GCC2: variants seen among roughly 807,000 people sequenced by gnomAD.
GCC2 encodes GRIP and coiled-coil domain-containing protein 2.
In GCC2, 120 loss-of-function variants were observed where a neutral mutation model predicts 210.6. The observed-to-expected ratio is 0.57, with a 90% confidence interval of 0.49 to 0.66. The LOEUF (loss-of-function observed/expected upper bound fraction) is 0.66. GCC2 is among the 30% of genes least tolerant of loss of function. The pLI, the probability that GCC2 is intolerant of heterozygous loss-of-function variation, is 0.00. For synonymous variants in GCC2, 703 were observed against 652.7 expected, an observed-to-expected ratio of 1.08 and a Z score of -1.17; for missense variants, 1,868 against 1,871.9, an observed-to-expected ratio of 1.00 and a Z score of 0.04.
At chr2:108,459,099 T>G (rs1048359381) in intron 4 of GCC2, among the ~76,000 whole-genome samples, 2 of 152,184 alleles carry the variant, frequency 1.3e-5, no homozygotes, top group Non-Finnish European at 2.9e-5. Flanking sequence ...TCACACAGGT[T>G]TTGTGATACA....
At chr2:108,461,606 A>G (rs1680576237) in intron 4 of GCC2, among the ~76,000 whole-genome samples, 1 of 150,812 alleles carries the variant, frequency 6.6e-6, no homozygotes, top group Admixed American at 6.6e-5. Context: ...CCCGGGTTCA[A>G]GTGATCCTGC....
intron 7 of GCC2, 163 bp from the exon 8 acceptor site, chr2:108,475,368 TAATG>T (rs1681453941): frequency 2.2e-6 from 1 of 451,974 alleles, no homozygotes; most frequent in South Asian, 4.5e-5. Flanking sequence ...TTGTCTCACA[TAATG>T]AATAAAATTC....
intron 6 of GCC2, among the ~76,000 whole-genome samples, chr2:108,472,547 C>T (rs1681292795): frequency 6.6e-6 from 1 of 150,526 alleles, no homozygotes; most frequent in Non-Finnish European, 1.5e-5. Flanking sequence ...ATCATTTAAT[C>T]TTCTCCTTAT....
intron 17 of GCC2, 22 bp downstream of exon 17, chr2:108,487,842 C>T (rs761404347): frequency 1.1e-5 from 18 of 1,603,728 alleles, no homozygotes; most frequent in Admixed American, 1.7e-5. Context: ...ATTAAATATG[C>T]AGAGTTTTCC....
intron 4 of GCC2, among the ~76,000 whole-genome samples, chr2:108,457,959 T>C (rs1285681158): frequency 1.3e-5 from 2 of 152,212 alleles, no homozygotes; most frequent in African/African-American, 4.8e-5. Context: ...GTCAGTCCCA[T>C]GTTGAATAGT....
intron 7 of GCC2, among the ~76,000 whole-genome samples, chr2:108,473,497 C>T (rs1241141048): frequency 6.6e-6 from 1 of 152,118 alleles, no homozygotes; most frequent in Admixed American, 6.6e-5. Flanking sequence ...ATCATAAACA[C>T]ACTAGTATGA....
intron 11 of GCC2, among the ~76,000 whole-genome samples, 184 bp downstream of exon 11, chr2:108,482,635 T>A (rs376486907): frequency 3.5e-4 from 53 of 152,214 alleles, no homozygotes; most frequent in South Asian, 1.9e-3. Context: ...TTTTAAACAT[T>A]GAAATATTAC....
intron 15 of GCC2, 120 bp from the exon 16 acceptor site, chr2:108,486,391 C>T: frequency 1.2e-6 from 1 of 863,870 alleles, no homozygotes; most frequent in South Asian, 1.4e-5. Flanking sequence ...AAATATTTCA[C>T]TACTTAATTA....
chr2:108,461,526 G>T (rs1680570734), intron 4 of GCC2, among the ~76,000 whole-genome samples: 1 of 151,966 alleles, frequency 6.6e-6, no homozygotes, highest in Non-Finnish European at 1.5e-5. Context: ...TGTTTTCGAG[G>T]CATAGTTTCA....
intron 4 of GCC2, among the ~76,000 whole-genome samples, chr2:108,458,374 C>CTTTTTTTTT (rs70956257): frequency 6.0e-5 from 6 of 100,304 alleles, no homozygotes; most frequent in African/African-American, 2.0e-4. Context: ...TTGTTGCTTT[C>CTTTTTTTTT]TTTTTTTTTT....
intron 22 of GCC2, among the ~76,000 whole-genome samples, chr2:108,502,539 C>T (rs1471045269): frequency 6.6e-6 from 1 of 152,180 alleles, no homozygotes; most frequent in Non-Finnish European, 1.5e-5. Flanking sequence ...TACTACTTGT[C>T]TCTTATCAAT....
Position 108,489,942 on chromosome 2 carries a change from A to G in GCC2, c.4157A>G (p.His1386Arg), listed in dbSNP as rs901467304. The G allele has an allele frequency of 6.2e-7, 1 of 1,612,350 alleles. No homozygotes were observed. ...GAACTTCAAACATTGCAGTCTGAAC[A>G]TGATACACTGCTAGAAAGGCACAAC... Reference protein sequence around the residue: ...VSELQTLQSEHDTLLERHNKM... With the variant: ...VSELQTLQSERDTLLERHNKM... Residue 1386 changes from histidine to arginine, a missense_variant, in exon 18 of 23, where the codon CAT becomes CGT. Coordinates refer to ENST00000309863, the MANE Select transcript of GCC2 (RefSeq NM_181453.4).
chr2:108,486,051 C>G lies in GCC2; in HGVS notation c.3792+143C>G. The G allele has an allele frequency of 3.4e-5, 19 of 565,398 alleles. No homozygotes were observed. The South Asian group carries it at 3.9e-4, about 12-fold the overall frequency. 35.0% of individuals were successfully genotyped at this position (565,398 alleles called of 1,614,324 possible). A position where few individuals can be genotyped will look rare whatever the true frequency, so the allele number is the denominator to read the frequency against. On this transcript the variant is annotated intron_variant, in intron 15 of 22. Coordinates refer to ENST00000309863, the MANE Select transcript of GCC2 (RefSeq NM_181453.4). ...AGGAAGTTACAACAATAAATCAAGT[C>G]TGGCATATAACTGGAGTATATTATT...
intron 4 of GCC2, among the ~76,000 whole-genome samples, chr2:108,456,490 G>A (rs1456791176): frequency 1.3e-5 from 2 of 152,078 alleles, no homozygotes; most frequent in East Asian, 1.9e-4. Context: ...CCATTTCTTT[G>A]TCTTTTAAGA....
chr2:108,476,002 T>C (rs947363371), intron 9 of GCC2, 152 bp downstream of exon 9: 1 of 481,744 alleles, frequency 2.1e-6, no homozygotes, highest in Middle Eastern at 5.9e-4. Context: ...TGCAATGTAA[T>C]AGAATCCTAA....
At position 108,472,814 on chromosome 2, in the gene GCC2, CT is replaced by C; in HGVS notation, c.2788-12del. 1 of 1,485,602 alleles carries C rather than the reference CT, an allele frequency of 6.7e-7. No individual in the cohort carries two copies. The highest frequency in any genetic ancestry group is 9.3e-7 in the Non-Finnish European group (1 of 1,077,796). 92.0% of individuals were successfully genotyped at this position (1,485,602 alleles called of 1,614,324 possible). ...GTTTTGTTTTGTGTTTTTTTTTCCC[CT>C]GTAAAATCTAGGATTCCTTAGCAAA... On this transcript the variant is annotated splice_polypyrimidine_tract_variant and intron_variant, in intron 6 of 22. Coordinates refer to ENST00000309863, the MANE Select transcript of GCC2 (RefSeq NM_181453.4).
At chr2:108,459,598 A>G (rs1680444896) in intron 4 of GCC2, among the ~76,000 whole-genome samples, 1 of 151,768 alleles carries the variant, frequency 6.6e-6, no homozygotes, top group South Asian at 2.1e-4. Flanking sequence ...GCCCAGTACG[A>G]TTGCACTGGA....
chr2:108,466,890 C>T (rs1680922428), intron 4 of GCC2, among the ~76,000 whole-genome samples: 2 of 152,090 alleles, frequency 1.3e-5, no homozygotes, highest in African/African-American at 4.8e-5. Context: ...ACTTTTTCAA[C>T]CTTAATTATT....
intron 22 of GCC2, among the ~76,000 whole-genome samples, chr2:108,501,260 C>G (rs1268491991): frequency 6.6e-6 from 1 of 152,086 alleles, no homozygotes; most frequent in Non-Finnish European, 1.5e-5. Flanking sequence ...GCTGGGATTA[C>G]AGGTGTGAGC....
Sources: allele counts gnomAD v4.1 joint callset (sites outside exome capture counted in the v4.1 genomes callset), GRCh38; gene constraint gnomAD v4.1.1; transcripts MANE v1.5; gene names NCBI Gene and HGNC (gene_info 2026-07-23, HGNC 2026-07-21).